The following ZDHHC11B variants were observed in gnomAD, a reference collection of about 807,000 sequenced individuals.
ZDHHC11B encodes probable palmitoyltransferase ZDHHC11B.
In ZDHHC11B, 17 loss-of-function variants were observed where a neutral mutation model predicts 42.3. The observed-to-expected ratio is 0.40, with a 90% CI of 0.27 to 0.60. ZDHHC11B has a LOEUF of 0.60. Among genes scored for constraint, ZDHHC11B ranks in the 20% least tolerant of loss-of-function variants. The probability of loss-of-function intolerance (pLI) is 0.41; values close to 1 mark genes in which losing one functional copy is unlikely to be tolerated. For missense variants in ZDHHC11B, 262 were observed against 463.2 expected, an observed-to-expected ratio of 0.57 and a Z score of 3.99; for synonymous variants, 123 against 193.5, an observed-to-expected ratio of 0.64 and a Z score of 3.02.
intron 4 of ZDHHC11B, among the ~76,000 whole-genome samples, chr5:758,835 G>A (rs756244956): frequency 2.6e-5 from 4 of 151,918 alleles, no homozygotes; most frequent in South Asian, 2.1e-4. Context: ...CGCGCTCTGC[G>A]GGTGGGCTTG....
At chr5:761,147 G>A (rs1398575806) in intron 4 of ZDHHC11B, among the ~76,000 whole-genome samples, 11 of 151,876 alleles carry the variant, frequency 7.2e-5, no homozygotes, top group African/African-American at 2.2e-4. Context: ...GAATGTTGGC[G>A]TGGACTGCCT....
intron 4 of ZDHHC11B, among the ~76,000 whole-genome samples, chr5:760,679 G>A (rs1031588384): frequency 4.6e-5 from 7 of 151,846 alleles, no homozygotes; most frequent in East Asian, 1.9e-4. Context: ...TGGGCCCTGC[G>A]GTGGAATCGC....
chr5:778,056 C>T lies in ZDHHC11B; in HGVS notation c.-230+6612G>A, dbSNP rs1318031034. 2.6e-5 allele frequency among the ~76,000 whole-genome samples: 4 copies of T among 151,914 alleles called. No homozygotes were observed. In the East Asian group the frequency reaches 7.7e-4, roughly 29 times the overall value. ...GGACCCGGCGCACCTCCGCAGCCAC[C>T]GTAGGACAGAGGGGCAAGGGGGCTC... On this transcript the variant is annotated intron_variant, in intron 1 of 13. Coordinates refer to ENST00000508859, the MANE Select transcript of ZDHHC11B (RefSeq NM_001351303.2).
chr5:745,251 C>T lies in ZDHHC11B; in HGVS notation c.832G>A (p.Glu278Lys), dbSNP rs1744642470. ...ACTGCTTGATGTTTTGAACTCTCTT[C>T]TTTGCGGGTATTAATGAGATACTCA... ...TFEYLINTRK[E>K]ESSKHQAVRK... Residue 278 changes from glutamate (E) to lysine (K), a missense_variant, in exon 9 of 14, where the codon GAA (glutamate) becomes AAA (lysine). Glu to Lys is a moderately conservative substitution (Grantham distance 56). This residue lies in a region of ZDHHC11B where 57 missense variants were observed against 103.3 expected (regional missense o/e 0.55). Transcript: ENST00000508859. 2 of 1,609,208 alleles carry T rather than the reference C, an allele frequency of 1.2e-6. No homozygotes were observed. The highest frequency in any genetic ancestry group is 1.1e-5 in the South Asian group (1 of 90,460).
chr5:727,248 T>A (rs1196548405), intron 12 of ZDHHC11B, among the ~76,000 whole-genome samples: 1 of 129,180 alleles, frequency 7.7e-6, no homozygotes, highest in East Asian at 2.2e-4. Context: ...AGGACGGAGC[T>A]TCTGGGGCAA....
chr5:765,980 T>C (rs1216921877), intron 4 of ZDHHC11B, among the ~76,000 whole-genome samples: 2 of 151,904 alleles, frequency 1.3e-5, no homozygotes, highest in African/African-American at 4.8e-5. Context: ...ATGGTTCCAG[T>C]GCCCCAAGGC....
intron 1 of ZDHHC11B, among the ~76,000 whole-genome samples, chr5:779,009 C>G (rs1465173656): frequency 8.4e-4 from 127 of 151,510 alleles, no homozygotes; most frequent in African/African-American, 2.9e-3. Flanking sequence ...GGGCCCTTGT[C>G]GGACGCCAAG....
chr5:770,292 G>A (rs548775823), intron 1 of ZDHHC11B, among the ~76,000 whole-genome samples: 18 of 150,152 alleles, frequency 1.2e-4, no homozygotes, highest in Middle Eastern at 3.4e-3. Context: ...CAGCTGCCCC[G>A]CAGGCACGCA....
chr5:715,163 T>C (rs413818), intron 13 of ZDHHC11B, among the ~76,000 whole-genome samples: 19,737 of 141,650 alleles, frequency 0.14, 1,733 homozygotes, highest in Non-Finnish European at 0.17. Flanking sequence ...GTAACACTGA[T>C]AGACTAAGAC....
At chr5:763,711 C>T (rs1220758916) in intron 4 of ZDHHC11B, among the ~76,000 whole-genome samples, 4 of 151,826 alleles carry the variant, frequency 2.6e-5, no homozygotes, top group South Asian at 4.2e-4. Flanking sequence ...GGGAAATGGC[C>T]ACATGGATAA....
intron 4 of ZDHHC11B, among the ~76,000 whole-genome samples, chr5:763,594 G>A (rs1197640312): frequency 1.3e-5 from 2 of 151,770 alleles, no homozygotes; most frequent in African/African-American, 4.8e-5. Flanking sequence ...TCAAAGGCCT[G>A]GGAGCAAAAC....
At chr5:759,508 G>T (rs1433206898) in intron 4 of ZDHHC11B, among the ~76,000 whole-genome samples, 2 of 152,016 alleles carry the variant, frequency 1.3e-5, no homozygotes, top group Non-Finnish European at 2.9e-5. Context: ...AAGGAGCTTT[G>T]CTGGGAAGAG....
rs1741269292 is a variant in ZDHHC11B at position 710,360 on chromosome 5, G to A, written c.*1930C>T. On this transcript the variant is annotated 3_prime_UTR_variant, in exon 14 of 14. Transcript: ENST00000508859. ...GAAACACAAAAACAGCCCAATGCAT[G>A]TAGTAACTTATAGATATATTTAGAA... 1 of 152,510 alleles carries A rather than the reference G, an allele frequency of 6.6e-6. No homozygotes were observed. Among genetic ancestry groups the A allele is most frequent in the South Asian group, 2.1e-4 (1 of 4,824 alleles). 9.4% of individuals were successfully genotyped at this position (152,510 alleles called of 1,614,324 possible).
At chr5:773,970 C>T (rs1211847644) in intron 1 of ZDHHC11B, among the ~76,000 whole-genome samples, 1 of 151,930 alleles carries the variant, frequency 6.6e-6, no homozygotes, top group Non-Finnish European at 1.5e-5. Context: ...GGTGGCACCA[C>T]AGACCTCAGA....
At chr5:760,525 T>C (rs1051100948) in intron 4 of ZDHHC11B, among the ~76,000 whole-genome samples, 4 of 151,602 alleles carry the variant, frequency 2.6e-5, no homozygotes, top group Admixed American at 2.0e-4. Flanking sequence ...AGACCAGATA[T>C]GTCTGCTGTT....
intron 13 of ZDHHC11B, among the ~76,000 whole-genome samples, chr5:713,768 C>A (rs1436859834): frequency 6.6e-6 from 1 of 151,954 alleles, no homozygotes; most frequent in African/African-American, 2.4e-5. Flanking sequence ...AATGACTGAT[C>A]CCCCCTGATT....
At position 711,082 on chromosome 5, in the gene ZDHHC11B, CCCAGTGCTGTGAGCTCCCATTTT is replaced by C. The variant is rs1741330139; in HGVS notation, c.*1185_*1207del. On this transcript the variant is annotated 3_prime_UTR_variant, in exon 14 of 14. Coordinates refer to ENST00000508859, the MANE Select transcript of ZDHHC11B (RefSeq NM_001351303.2). ...ATTTCCCAATGCTATGCTCCCATTT[CCCAGTGCTGTGAGCTCCCATTTT>C]CCAGTACTGTGCTCCCATTTCCCAG... is the stretch of plus-strand genomic sequence containing the variant. 6.5e-6 allele frequency: 1 copy of C among 153,996 alleles called. No individual in the cohort carries two copies. Among genetic ancestry groups the C allele is most frequent in the Non-Finnish European group, 1.5e-5 (1 of 68,740 alleles). The allele number at this position is 153,996 out of a possible 1,614,324, so 9.5% of individuals were successfully genotyped here.
intron 1 of ZDHHC11B, among the ~76,000 whole-genome samples, chr5:778,068 G>A (rs1188861936): frequency 3.3e-5 from 5 of 152,078 alleles, no homozygotes; most frequent in South Asian, 4.2e-4. Context: ...TAGGACAGAG[G>A]GGCAAGGGGG....
At chr5:724,868 A>G in intron 12 of ZDHHC11B, among the ~76,000 whole-genome samples, 1 of 147,560 alleles carries the variant, frequency 6.8e-6, no homozygotes, top group Non-Finnish European at 1.5e-5. Context: ...CCTCCACCCC[A>G]TCACATAACT....
Sources: gnomAD v4.1 joint callset for allele counts (sites outside exome capture counted in the v4.1 genomes callset) on GRCh38, gnomAD v4.1.1 for gene constraint, gnomAD v4.1.1 regional missense constraint, MANE v1.5 for transcripts, NCBI Gene and HGNC (gene_info 2026-07-23, HGNC 2026-07-21) for gene names.